Variants in CADM2 observed in about 807,000 individuals in gnomAD.
The protein encoded by CADM2 is immunoglobulin superfamily member 4D.
CADM2 carries 12 observed loss-of-function variants against 49.8 expected under a neutral mutation model. That is an observed-to-expected ratio of 0.24 (90% CI 0.15 to 0.39). The LOEUF (loss-of-function observed/expected upper bound fraction) is 0.39, where lower values mean the gene tolerates loss of function less well. Ranked by LOEUF, CADM2 falls within the 10% of genes least tolerant of loss-of-function variation. The pLI, the probability that CADM2 is intolerant of heterozygous loss-of-function variation, is 1.00. For synonymous variants in CADM2, 214 were observed against 175.4 expected (o/e 1.22, Z -1.74); for missense variants, 378 against 492.3 (o/e 0.77, Z 2.20).
chr3:85,879,252 T>A (rs2108378095), intron 3 of CADM2, among the ~76,000 whole-genome samples: 1 of 152,124 alleles, frequency 6.6e-6, no homozygotes, highest in Admixed American at 6.6e-5. Flanking sequence ...AATAGACATT[T>A]TTTTTAAAGT....
At chr3:85,284,116 G>A (rs955971423) in intron 1 of CADM2, among the ~76,000 whole-genome samples, 12 of 151,976 alleles carry the variant, frequency 7.9e-5, no homozygotes, top group African/African-American at 2.4e-4. Flanking sequence ...TAAACTCTAC[G>A]GAATGAAATG....
chr3:85,404,112 T>G (rs1283994021), intron 1 of CADM2, among the ~76,000 whole-genome samples: 1 of 152,136 alleles, frequency 6.6e-6, no homozygotes, highest in Non-Finnish European at 1.5e-5. Flanking sequence ...TATCTCATTG[T>G]GTTAGTTTTA....
chr3:85,292,697 C>A (rs1389457015), intron 1 of CADM2, among the ~76,000 whole-genome samples: 156 of 151,902 alleles, frequency 1.0e-3, no homozygotes, highest in African/African-American at 3.6e-3. Context: ...CTACTGGGTA[C>A]ATAACGAAAT....
chr3:85,477,562 G>A (rs559401394), intron 1 of CADM2, among the ~76,000 whole-genome samples: 2 of 151,726 alleles, frequency 1.3e-5, no homozygotes, highest in Non-Finnish European at 2.9e-5. Context: ...TTACATTTTA[G>A]GAGAGACAGC....
intron 1 of CADM2, among the ~76,000 whole-genome samples, chr3:85,638,745 A>C (rs1017730482): frequency 6.6e-6 from 1 of 151,992 alleles, no homozygotes; most frequent in Non-Finnish European, 1.5e-5. Context: ...TTCTTTCTTT[A>C]TCTCTAAAGG....
At chr3:85,259,947 T>A (rs1305274628) in intron 1 of CADM2, among the ~76,000 whole-genome samples, 1 of 152,126 alleles carries the variant, frequency 6.6e-6, no homozygotes, top group Non-Finnish European at 1.5e-5. Flanking sequence ...GTTAGTCATC[T>A]TTTGAAGATG....
intron 1 of CADM2, among the ~76,000 whole-genome samples, chr3:85,068,599 A>G (rs1279574642): frequency 6.6e-6 from 1 of 152,180 alleles, no homozygotes; most frequent in African/African-American, 2.4e-5. Flanking sequence ...GTTAAGATCT[A>G]TAATCTTCCA....
intron 1 of CADM2, among the ~76,000 whole-genome samples, chr3:85,056,393 G>C (rs190381459): frequency 1.3e-5 from 2 of 152,148 alleles, no homozygotes; most frequent in African/African-American, 4.8e-5. Context: ...AAGGGAATGG[G>C]TTGAATTTGC....
At chr3:85,415,534 A>T (rs1029812427) in intron 1 of CADM2, among the ~76,000 whole-genome samples, 1 of 152,070 alleles carries the variant, frequency 6.6e-6, no homozygotes, top group Non-Finnish European at 1.5e-5. Flanking sequence ...AACAGTTGAT[A>T]AAAAACAACT....
At chr3:85,925,966 T>A (rs1719780574) in intron 6 of CADM2, among the ~76,000 whole-genome samples, 1 of 151,570 alleles carries the variant, frequency 6.6e-6, no homozygotes, top group African/African-American at 2.4e-5. Flanking sequence ...TGAAACCCCG[T>A]CTCTATTAAA....
intron 1 of CADM2, among the ~76,000 whole-genome samples, chr3:85,157,349 C>G (rs1447531159): frequency 6.6e-6 from 1 of 151,212 alleles, no homozygotes; most frequent in African/African-American, 2.4e-5. Flanking sequence ...CTTTAAAGTT[C>G]ATATGGAACC....
At chr3:85,393,928 T>C (rs1015253171) in intron 1 of CADM2, among the ~76,000 whole-genome samples, 1 of 152,168 alleles carries the variant, frequency 6.6e-6, no homozygotes, top group African/African-American at 2.4e-5. Flanking sequence ...TGCCTCAGCC[T>C]CCCGAGTAGC....
intron 1 of CADM2, among the ~76,000 whole-genome samples, chr3:85,326,442 CTT>C (rs1305824072): frequency 3.3e-5 from 5 of 151,868 alleles, no homozygotes; most frequent in African/African-American, 9.7e-5. Flanking sequence ...TAATATTTCT[CTT>C]AGGAAATATG....
At chr3:85,530,932 A>T (rs77624890) in intron 1 of CADM2, among the ~76,000 whole-genome samples, 11,988 of 149,826 alleles carry the variant, frequency 0.08, 944 homozygotes, top group African/African-American at 0.18. Flanking sequence ...TTATTGTGGA[A>T]TGTCAGGGGG....
chr3:85,292,487 T>A, intron 1 of CADM2, among the ~76,000 whole-genome samples: 1 of 146,728 alleles, frequency 6.8e-6, no homozygotes. Context: ...AGAATATACA[T>A]TTTTTTCAGC....
At chr3:86,041,522 G>A (rs905099767) in intron 8 of CADM2, among the ~76,000 whole-genome samples, 1 of 152,166 alleles carries the variant, frequency 6.6e-6, no homozygotes, top group African/African-American at 2.4e-5. Flanking sequence ...AATTCAACAA[G>A]AAGAGCTAAC....
At chr3:85,840,529 A>G (rs1349517171) in intron 3 of CADM2, among the ~76,000 whole-genome samples, 5 of 151,890 alleles carry the variant, frequency 3.3e-5, no homozygotes, top group African/African-American at 4.8e-5. Context: ...TAAATGATTT[A>G]TTTAAAACAA....
chr3:85,452,765 G>A (rs1259235965), intron 1 of CADM2, among the ~76,000 whole-genome samples: 1 of 152,126 alleles, frequency 6.6e-6, no homozygotes, highest in Admixed American at 6.6e-5. Context: ...GATGTGATTC[G>A]CTACACAGTG....
In CADM2 at chr3:85,290,231, C is replaced by G. The variant is rs904373015; in HGVS notation, c.61+330563C>G. 4.6e-5 allele frequency among the ~76,000 whole-genome samples: 7 copies of G among 152,158 alleles called. No homozygotes were observed. The East Asian group carries it at 7.7e-4, about 17-fold the overall frequency. ...CACCCGAATACTGCGCTTTTCCGAT[C>G]GGCTTAAAAAATGGCGCACCACGAG... On this transcript the variant is annotated intron_variant, in intron 1 of 9. Coordinates refer to ENST00000383699, the MANE Select transcript of CADM2 (RefSeq NM_001167675.2).
Sources: gnomAD v4.1 joint callset for allele counts (sites outside exome capture counted in the v4.1 genomes callset) on GRCh38, gnomAD v4.1.1 for gene constraint, MANE v1.5 for transcripts, NCBI Gene and HGNC (gene_info 2026-07-23, HGNC 2026-07-21) for gene names.